Variants in OLFM3 observed in about 807,000 individuals in gnomAD.
OLFM3 encodes olfactomedin 3.
In OLFM3, 20 loss-of-function variants were observed where a neutral mutation model predicts 48.6. The observed-to-expected ratio is 0.41, with a 90% CI of 0.29 to 0.60. The LOEUF (loss-of-function observed/expected upper bound fraction) is 0.60, where lower values mean the gene tolerates loss of function less well. Among genes scored for constraint, OLFM3 ranks in the 20% least tolerant of loss-of-function variants. The pLI, the probability that OLFM3 is intolerant of heterozygous loss-of-function variation, is 0.28. For synonymous variants in OLFM3, 222 were observed against 198.1 expected (o/e 1.12, Z -1.01); for missense variants, 437 against 544.3 (o/e 0.80, Z 1.96).
intron 4 of OLFM3, among the ~76,000 whole-genome samples, chr1:101,813,501 G>A (rs540744197): frequency 2.6e-5 from 4 of 152,216 alleles, no homozygotes; most frequent in East Asian, 1.9e-4. Context: ...ATAGCTCACC[G>A]ATTTGTTCCT....
At chr1:101,826,945 C>T (rs1654891337) in intron 3 of OLFM3, among the ~76,000 whole-genome samples, 1 of 152,134 alleles carries the variant, frequency 6.6e-6, no homozygotes, top group Admixed American at 6.5e-5. Context: ...TCTTCTCCCT[C>T]AATTCAAAAC....
chr1:101,931,271 A>C (rs1227295323), intron 1 of OLFM3, among the ~76,000 whole-genome samples: 1 of 152,108 alleles, frequency 6.6e-6, no homozygotes, highest in Non-Finnish European at 1.5e-5. Flanking sequence ...TTTTTTTCTC[A>C]TTACTTAGGA....
At chr1:101,906,286 A>G (rs1032022102) in intron 1 of OLFM3, among the ~76,000 whole-genome samples, 7 of 152,188 alleles carry the variant, frequency 4.6e-5, no homozygotes, top group East Asian at 1.9e-4. Context: ...CACAGACCTA[A>G]GTTTAATTTT....
intron 1 of OLFM3, among the ~76,000 whole-genome samples, chr1:101,964,070 G>A (rs144757342): frequency 6.6e-6 from 1 of 152,232 alleles, no homozygotes; most frequent in East Asian, 1.9e-4. Context: ...TCATTGATAT[G>A]TCTGATCATT....
intron 3 of OLFM3, 26 bp downstream of exon 3, chr1:101,830,646 G>T (rs370959709): frequency 1.9e-6 from 3 of 1,613,410 alleles, no homozygotes; most frequent in South Asian, 2.2e-5. Flanking sequence ...GATTTGGATT[G>T]ACAAGATTGC....
In OLFM3 at chr1:101,804,776, C is replaced by T. The variant is rs543387350; in HGVS notation, c.839G>A (p.Gly280Asp). The T allele has an allele frequency of 1.2e-6, 2 of 1,612,548 alleles. No individual in the cohort carries two copies. The highest frequency in any genetic ancestry group is 2.2e-5 in the East Asian group (1 of 44,816). Reference protein sequence around the residue: ...WAGTNHVVYNGSLYFNKYQSN... With the variant: ...WAGTNHVVYNDSLYFNKYQSN... ...CTGATACTTGTTAAAATAGAGTGAGCCATTGTAGACAACATGGTTAGTTCC... is the reference window on the plus strand; with the variant it reads ...CTGATACTTGTTAAAATAGAGTGAGTCATTGTAGACAACATGGTTAGTTCC... The change falls in exon 6 of 6, where the codon GGC becomes GAC. Residue 280 changes from glycine to aspartate, a missense_variant. Gly to Asp is a moderately conservative substitution (Grantham distance 94). Coordinates refer to ENST00000370103, the MANE Select transcript of OLFM3 (RefSeq NM_058170.4). This position sits in a 1 kb window ranked among gnomAD's most constrained non-coding sequence, Gnocchi z 4.5.
At position 101,837,029 on chromosome 1, in the gene OLFM3, A is replaced by G. The variant is rs1655455536; in HGVS notation, c.70-4T>C. 2.5e-6 allele frequency: 4 copies of G among 1,607,062 alleles called. No homozygotes were observed. The South Asian group carries it at 4.5e-5, about 18-fold the overall frequency. Reference sequence around the variant, plus strand: ...CTTCTTTAGGACTAATCTGAGTCTGAGGAAACCAAAGGGAAACATAAAACA... The same window carrying G: ...CTTCTTTAGGACTAATCTGAGTCTGGGGAAACCAAAGGGAAACATAAAACA... On this transcript the variant is annotated splice_polypyrimidine_tract_variant and splice_region_variant and intron_variant, in intron 1 of 5. Coordinates refer to ENST00000370103, the MANE Select transcript of OLFM3 (RefSeq NM_058170.4).
chr1:101,961,435 C>A (rs1475345970), intron 1 of OLFM3, among the ~76,000 whole-genome samples: 1 of 151,788 alleles, frequency 6.6e-6, no homozygotes, highest in African/African-American at 2.4e-5. Context: ...CATTTAAAGC[C>A]TTTTTTGTTA....
intron 1 of OLFM3, among the ~76,000 whole-genome samples, chr1:101,853,989 T>C (rs1360970058): frequency 1.3e-5 from 2 of 152,036 alleles, no homozygotes; most frequent in African/African-American, 4.8e-5. Context: ...AGCAATCTTT[T>C]CTTCTTCTTG....
chr1:101,897,942 T>C (rs1446482208), intron 1 of OLFM3, among the ~76,000 whole-genome samples: 2 of 152,154 alleles, frequency 1.3e-5, no homozygotes, highest in Non-Finnish European at 2.9e-5. Context: ...TTATAAGTCA[T>C]ATAAACAATT....
At chr1:101,946,179 T>C (rs568987648) in intron 1 of OLFM3, among the ~76,000 whole-genome samples, 7 of 138,886 alleles carry the variant, frequency 5.0e-5, no homozygotes, top group Admixed American at 5.0e-4. Context: ...AGTGTAAAAA[T>C]GACTGCTTAG....
intron 4 of OLFM3, among the ~76,000 whole-genome samples, chr1:101,814,018 G>A (rs922675667): frequency 2.0e-5 from 3 of 152,122 alleles, no homozygotes; most frequent in African/African-American, 7.2e-5. Flanking sequence ...AATTATGTAT[G>A]AAAATGTCCT....
Position 101,994,601 on chromosome 1 carries a change from T to C in OLFM3, c.69+2147A>G, listed in dbSNP as rs986812247. 4.0e-5 allele frequency among the ~76,000 whole-genome samples: 6 copies of C among 148,242 alleles called. No individual in the cohort carries two copies. The South Asian group carries it at 6.3e-4, about 15-fold the overall frequency. On this transcript the variant is annotated intron_variant, in intron 1 of 5. Coordinates refer to ENST00000370103, the MANE Select transcript of OLFM3 (RefSeq NM_058170.4). ...GGGGGAGCAATATAAATATATATTA[T>C]ATAAATATAAATATATAATATTAAT...
intron 1 of OLFM3, among the ~76,000 whole-genome samples, chr1:101,924,997 A>G (rs962871142): frequency 2.0e-5 from 3 of 152,184 alleles, no homozygotes; most frequent in African/African-American, 7.2e-5. Context: ...CTAGGGCTGG[A>G]AAGAGGTTAA....
At chr1:101,878,988 T>C (rs1328544952) in intron 1 of OLFM3, among the ~76,000 whole-genome samples, 2 of 151,816 alleles carry the variant, frequency 1.3e-5, no homozygotes, top group African/African-American at 4.8e-5. Flanking sequence ...TGACCACCAA[T>C]GCTTGTGAAA....
chr1:101,822,312 C>T (rs920805657), intron 4 of OLFM3, among the ~76,000 whole-genome samples: 1 of 152,052 alleles, frequency 6.6e-6, no homozygotes, highest in African/African-American at 2.4e-5. Context: ...TTGTGTTGTT[C>T]ATTCAAAAAC....
chr1:101,850,266 C>A (rs961671345), intron 1 of OLFM3, among the ~76,000 whole-genome samples: 1 of 152,022 alleles, frequency 6.6e-6, no homozygotes, highest in Admixed American at 6.6e-5. Context: ...ACTATATAAC[C>A]TACAATTGTG....
chr1:101,817,485 T>G (rs541873591), intron 4 of OLFM3, among the ~76,000 whole-genome samples: 1 of 152,178 alleles, frequency 6.6e-6, no homozygotes, highest in Non-Finnish European at 1.5e-5. Context: ...AAATTTCTTA[T>G]AGTCAGTTAC....
At chr1:101,972,093 A>ATT (rs940310702) in intron 1 of OLFM3, among the ~76,000 whole-genome samples, 6 of 152,070 alleles carry the variant, frequency 3.9e-5, no homozygotes, top group African/African-American at 1.4e-4. Context: ...CATAACTAAT[A>ATT]TTTTTTAAAG....
Sources: gnomAD v4.1 joint callset for allele counts (sites outside exome capture counted in the v4.1 genomes callset) on GRCh38, gnomAD v4.1.1 for gene constraint, Gnocchi (gnomAD v3.1) non-coding constraint, MANE v1.5 for transcripts, NCBI Gene and HGNC (gene_info 2026-07-23, HGNC 2026-07-21) for gene names.